ANAPC10: variants seen among roughly 807,000 people sequenced by gnomAD.
ANAPC10 encodes the protein anaphase promoting complex subunit 10.
A neutral mutation model predicts 22.0 loss-of-function variants in ANAPC10; 12 were observed. That is an observed-to-expected ratio of 0.55 (90% CI 0.35 to 0.88). The LOEUF is 0.88. Among genes scored for constraint, ANAPC10 ranks in the 40% least tolerant of loss-of-function variants. The pLI, the probability that ANAPC10 is intolerant of heterozygous loss-of-function variation, is 0.01. For synonymous variants in ANAPC10, 65 were observed against 69.5 expected, an observed-to-expected ratio of 0.94 and a Z score of 0.32; for missense variants, 188 against 220.9, an observed-to-expected ratio of 0.85 and a Z score of 0.94.
intron 4 of ANAPC10, among the ~76,000 whole-genome samples, chr4:145,054,505 C>T (rs191737617): frequency 1.5e-3 from 215 of 146,532 alleles, no homozygotes; most frequent in African/African-American, 5.1e-3. Context: ...TTGCAGTGAG[C>T]GAGATCGCGC....
chr4:145,018,087 T>C (rs2126968802), intron 4 of ANAPC10, among the ~76,000 whole-genome samples: 1 of 151,046 alleles, frequency 6.6e-6, no homozygotes, highest in African/African-American at 2.4e-5. Context: ...CTGCACGTTG[T>C]GCACATGTAC....
At chr4:145,025,134 G>A (rs1489240444) in intron 4 of ANAPC10, among the ~76,000 whole-genome samples, 1 of 152,172 alleles carries the variant, frequency 6.6e-6, no homozygotes, top group Non-Finnish European at 1.5e-5. Flanking sequence ...GGGTCTTACT[G>A]TGGATTAGGC....
At chr4:145,088,623 C>T (rs565768625) in intron 2 of ANAPC10, among the ~76,000 whole-genome samples, 2 of 152,120 alleles carry the variant, frequency 1.3e-5, no homozygotes, top group South Asian at 4.1e-4. Context: ...GTTCTTAATC[C>T]TAGTCCAAAT....
At chr4:145,070,634 C>T (rs1047776429) in intron 3 of ANAPC10, among the ~76,000 whole-genome samples, 1 of 152,186 alleles carries the variant, frequency 6.6e-6, no homozygotes, top group African/African-American at 2.4e-5. Context: ...TCCAGCAATT[C>T]CACCTGTGGA....
intron 1 of ANAPC10, chr4:145,097,179 G>A (rs527857263): frequency 2.3e-4 from 68 of 289,472 alleles, no homozygotes; most frequent in South Asian, 5.1e-4. Context: ...TCCAGCCTGC[G>A]TAACAGAGCA....
chr4:145,010,877 T>A (rs1560819066), intron 4 of ANAPC10, among the ~76,000 whole-genome samples: 1 of 151,566 alleles, frequency 6.6e-6, no homozygotes, highest in Non-Finnish European at 1.5e-5. Context: ...GAGAGGTATA[T>A]GGGGAAAAAA....
intron 4 of ANAPC10, among the ~76,000 whole-genome samples, chr4:145,007,934 G>A (rs369921129): frequency 7.9e-5 from 12 of 151,168 alleles, no homozygotes; most frequent in African/African-American, 2.2e-4. Context: ...TTGATAGACC[G>A]CTAGCAAGAC....
At chr4:145,008,868 G>A (rs563050959) in intron 4 of ANAPC10, among the ~76,000 whole-genome samples, 1 of 152,104 alleles carries the variant, frequency 6.6e-6, no homozygotes, top group South Asian at 2.1e-4. Context: ...GAAATAAAGG[G>A]CATTCAATTA....
intron 4 of ANAPC10, among the ~76,000 whole-genome samples, chr4:145,026,726 A>G (rs1381876755): frequency 3.0e-5 from 4 of 132,464 alleles, no homozygotes; most frequent in Admixed American, 1.7e-4. Context: ...AAAGACAAAA[A>G]AAGGAACTCC....
In ANAPC10 at chr4:145,017,155, A is replaced by C. The variant is rs189311822; in HGVS notation, c.328-21552T>G. Among the ~76,000 whole-genome samples, 507 of 152,340 alleles carry C rather than the reference A, an allele frequency of 3.3e-3. 8 individuals are homozygous for C. The highest frequency in any genetic ancestry group is 0.029 in the Admixed American group (437 of 15,298). ...TTAAACTAAAGAGCTTCTGCACAGCAAAAGAAACTACCATCGGAGTAAACA... is the reference window on the plus strand; with the variant it reads ...TTAAACTAAAGAGCTTCTGCACAGCCAAAGAAACTACCATCGGAGTAAACA... On this transcript the variant is annotated intron_variant, in intron 4 of 4. Transcript: ENST00000507656.
At chr4:145,035,017 G>A (rs1466105475) in intron 4 of ANAPC10, 1 of 152,442 alleles carries the variant, frequency 6.6e-6, no homozygotes, top group Non-Finnish European at 1.5e-5. Context: ...CACCTGTGGC[G>A]ACTTTGTAAT....
intron 3 of ANAPC10, among the ~76,000 whole-genome samples, chr4:145,069,539 A>G (rs546629063): frequency 6.6e-6 from 1 of 152,180 alleles, no homozygotes; most frequent in Non-Finnish European, 1.5e-5. Context: ...GCTCCCAATA[A>G]CCGAAGTGGT....
intron 4 of ANAPC10, among the ~76,000 whole-genome samples, chr4:145,040,030 A>G (rs960309225): frequency 6.6e-6 from 1 of 152,134 alleles, no homozygotes; most frequent in Non-Finnish European, 1.5e-5. Context: ...ATCTTTAACA[A>G]CCCAAAGAAA....
At chr4:145,054,547 A>C (rs1309774848) in intron 4 of ANAPC10, among the ~76,000 whole-genome samples, 1 of 137,768 alleles carries the variant, frequency 7.3e-6, no homozygotes, top group Non-Finnish European at 1.6e-5. Flanking sequence ...ATGGAGAGAG[A>C]CTCTATCTCA....
At chr4:145,091,004 TA>T (rs966352094) in intron 2 of ANAPC10, among the ~76,000 whole-genome samples, 8 of 152,248 alleles carry the variant, frequency 5.3e-5, no homozygotes, top group African/African-American at 1.9e-4. Flanking sequence ...GTTTCCTGTT[TA>T]TAAAGAGTAG....
At chr4:145,000,763 T>G (rs1214250513) in intron 4 of ANAPC10, among the ~76,000 whole-genome samples, 5 of 152,198 alleles carry the variant, frequency 3.3e-5, no homozygotes, top group Non-Finnish European at 7.3e-5. Context: ...ATTGTGGCAC[T>G]ATTCACAATA....
At chr4:145,026,941 ATATATGTGTGTGTGTG>A (rs1560840264) in intron 4 of ANAPC10, among the ~76,000 whole-genome samples, 3 of 24,648 alleles carry the variant, frequency 1.2e-4, no homozygotes, top group Non-Finnish European at 2.3e-4. Flanking sequence ...ATATATATAT[ATATATGTGTGTGTGTG>A]TATATATATA....
intron 4 of ANAPC10, among the ~76,000 whole-genome samples, chr4:145,054,314 G>C (rs1488145704): frequency 6.6e-6 from 1 of 151,088 alleles, no homozygotes; most frequent in Non-Finnish European, 1.5e-5. Flanking sequence ...CACTTTGGGA[G>C]GCCGAGGAGG....
intron 4 of ANAPC10, among the ~76,000 whole-genome samples, chr4:145,022,654 A>AT (rs564699000): frequency 3.3e-5 from 5 of 151,382 alleles, no homozygotes; most frequent in South Asian, 4.2e-4. Flanking sequence ...CCTATGGAAA[A>AT]TTTTTTTTTA....
Sources: allele counts gnomAD v4.1 joint callset (sites outside exome capture counted in the v4.1 genomes callset), GRCh38; gene constraint gnomAD v4.1.1; transcripts MANE v1.5; gene names NCBI Gene and HGNC (gene_info 2026-07-23, HGNC 2026-07-21).